NME9: variants seen among roughly 807,000 people sequenced by gnomAD.
NME9 encodes the protein NME/NM23 family member 9.
In NME9, 48 loss-of-function variants were observed where a neutral mutation model predicts 44.4. The ratio of observed to expected loss-of-function variants is 1.08; its 90% CI spans 0.86 to 1.37. The LOEUF is 1.37. NME9 is among the 40% of genes most tolerant of loss of function. The probability of loss-of-function intolerance (pLI) is 0.00; values close to 1 mark genes in which losing one functional copy is unlikely to be tolerated. For synonymous variants in NME9, 139 were observed against 147.1 expected (o/e 0.94, Z 0.40); for missense variants, 325 against 405.2 (o/e 0.80, Z 1.70).
At chr3:138,321,123 C>T (rs1449602477) in intron 2 of NME9, among the ~76,000 whole-genome samples, 2 of 152,158 alleles carry the variant, frequency 1.3e-5, no homozygotes, top group African/African-American at 4.8e-5. Flanking sequence ...TTGCACTATA[C>T]AGATGAGGAA....
downstream of NME9, chr3:138,297,760 T>G (rs1209652448): frequency 6.6e-6 from 1 of 152,204 alleles, no homozygotes; most frequent in African/African-American, 2.4e-5. Flanking sequence ...GAAAACTTAG[T>G]TTATTGGGAA....
intron 8 of NME9, among the ~76,000 whole-genome samples, chr3:138,271,267 C>T (rs2048762094): frequency 1.3e-5 from 2 of 152,108 alleles, no homozygotes; most frequent in African/African-American, 2.4e-5. Context: ...TTTTTAAACT[C>T]ACTTTCTACC....
exon 9 of NME9, chr3:138,261,869 C>T (rs913428958): frequency 2.0e-5 from 3 of 152,158 alleles, no homozygotes; most frequent in Admixed American, 1.3e-4. Flanking sequence ...CAATGTGTGT[C>T]CCCAAAATCA....
chr3:138,261,542 A>G (rs568153348), exon 9 of NME9: 2 of 152,334 alleles, frequency 1.3e-5, no homozygotes, highest in Admixed American at 6.5e-5. Context: ...GAAAATTTCC[A>G]ATACTGAGTT....
intron 8 of NME9, among the ~76,000 whole-genome samples, chr3:138,279,192 C>G (rs1454335060): frequency 6.6e-6 from 1 of 152,020 alleles, no homozygotes; most frequent in Non-Finnish European, 1.5e-5. Flanking sequence ...AAATTATCTT[C>G]TAGTTTGTTG....
chr3:138,327,176 AG>A (rs1376324175), intron 1 of NME9: 4 of 150,320 alleles, frequency 2.7e-5, no homozygotes, highest in African/African-American at 9.9e-5. Flanking sequence ...AAAAAAAAAA[AG>A]TCTCTCTTTT....
At chr3:138,283,914 G>T (rs981838734) in intron 8 of NME9, among the ~76,000 whole-genome samples, 17 of 152,164 alleles carry the variant, frequency 1.1e-4, no homozygotes, top group Non-Finnish European at 2.1e-4. Flanking sequence ...CACATGGCTG[G>T]TGTAGCTGGT....
intron 8 of NME9, among the ~76,000 whole-genome samples, chr3:138,275,215 TCA>T (rs1279341157): frequency 6.6e-6 from 1 of 152,230 alleles, no homozygotes; most frequent in Non-Finnish European, 1.5e-5. Flanking sequence ...CTGGCGATCT[TCA>T]GTTTTTTGAC....
At chr3:138,323,436 G>A (rs2053590103) in intron 2 of NME9, among the ~76,000 whole-genome samples, 1 of 152,102 alleles carries the variant, frequency 6.6e-6, no homozygotes, top group African/African-American at 2.4e-5. Flanking sequence ...AAAGCATGCT[G>A]TTGTGTTTAG....
intron 8 of NME9, among the ~76,000 whole-genome samples, chr3:138,271,339 A>G (rs2048767943): frequency 6.6e-6 from 1 of 152,082 alleles, no homozygotes; most frequent in African/African-American, 2.4e-5. Flanking sequence ...CTGGTTTCCA[A>G]TTCTCATTAC....
chr3:138,272,912 T>C lies in NME9; in HGVS notation c.746-10326A>G, dbSNP rs115956877. ...AATTACCAGAGTTACTATTAAAATATAATTTAATAAAGTAAATGTAGACAT... is the reference window on the plus strand; with the variant it reads ...AATTACCAGAGTTACTATTAAAATACAATTTAATAAAGTAAATGTAGACAT... On this transcript the variant is annotated intron_variant, in intron 8 of 8. Coordinates refer to the NME9 transcript ENST00000317876. 2,900 of 1,324,718 alleles carry C rather than the reference T, an allele frequency of 2.2e-3. 55 individuals carry two copies. The African/African-American group carries it at 0.038, about 17-fold the overall frequency. 82.1% of individuals were successfully genotyped at this position (1,324,718 alleles called of 1,614,324 possible).
intron 8 of NME9, among the ~76,000 whole-genome samples, chr3:138,294,189 A>G (rs1423488152): frequency 2.0e-5 from 3 of 152,250 alleles, no homozygotes; most frequent in Non-Finnish European, 2.9e-5. Context: ...AGTAAGGTCT[A>G]TCACCTGAAG....
chr3:138,265,552 G>T (rs757913818), intron 8 of NME9, among the ~76,000 whole-genome samples: 61 of 152,162 alleles, frequency 4.0e-4, no homozygotes, highest in Non-Finnish European at 6.9e-4. Flanking sequence ...TAGGAGGCGG[G>T]GGCATCAATG....
chr3:138,285,626 T>C (rs2050335326), intron 8 of NME9, among the ~76,000 whole-genome samples: 1 of 152,240 alleles, frequency 6.6e-6, no homozygotes, highest in Non-Finnish European at 1.5e-5. Context: ...TACTGCATTT[T>C]GTTCACTTCC....
chr3:138,318,475 G>A (rs903161983), intron 3 of NME9, among the ~76,000 whole-genome samples: 2 of 151,870 alleles, frequency 1.3e-5, no homozygotes, highest in Non-Finnish European at 2.9e-5. Flanking sequence ...CCAAGGGAGC[G>A]TTACTGGCTA....
chr3:138,262,423 A>G, exon 9 of NME9: 1 of 1,203,738 alleles, frequency 8.3e-7, no homozygotes, highest in Non-Finnish European at 1.2e-6. Context: ...AATAGATGAT[A>G]TTTTCCCTGA....
chr3:138,279,936 G>A (rs573175866), intron 8 of NME9, among the ~76,000 whole-genome samples: 8 of 151,144 alleles, frequency 5.3e-5, no homozygotes, highest in Admixed American at 2.6e-4. Context: ...ACAGAGTCTC[G>A]CTGTGTCACC....
Position 138,303,590 on chromosome 3 carries a change from C to T in NME9, c.845G>A (p.Arg282Gln), listed in dbSNP as rs766434759. 84 of 1,613,632 alleles carry T rather than the reference C, an allele frequency of 5.2e-5. No individual in the cohort carries two copies. The highest frequency in any genetic ancestry group is 1.6e-4 in the Middle Eastern group (1 of 6,082). ...TTCTCTGTCAGCATCTTCTCTGTCCCGGCTTCCATGGACGGCATTGAAGGG... is the reference window on the plus strand; with the variant it reads ...TTCTCTGTCAGCATCTTCTCTGTCCTGGCTTCCATGGACGGCATTGAAGGG... Reference protein sequence around the residue: ...EMPFNAVHGSRDREDADRELA... With the variant: ...EMPFNAVHGSQDREDADRELA... The change falls in exon 10 of 11, where the codon CGG (arginine) becomes CAG (glutamine). Residue 282 changes from arginine (R) to glutamine (Q), a missense_variant. Transcript: ENST00000333911.
chr3:138,304,533 C>T (rs946334912), intron 9 of NME9, among the ~76,000 whole-genome samples: 2 of 152,196 alleles, frequency 1.3e-5, no homozygotes, highest in African/African-American at 4.8e-5. Context: ...CTCTGATTGA[C>T]AGGCTTGAAT....
Sources: gnomAD v4.1 joint callset for allele counts (sites outside exome capture counted in the v4.1 genomes callset) on GRCh38, gnomAD v4.1.1 for gene constraint, MANE v1.5 for transcripts, NCBI Gene and HGNC (gene_info 2026-07-23, HGNC 2026-07-21) for gene names.